The following ROBO2 variants were observed in gnomAD, a reference collection of about 807,000 sequenced individuals.
ROBO2 encodes the protein roundabout guidance receptor 2.
ROBO2 carries 53 observed loss-of-function variants against 160.8 expected under a neutral mutation model. That is an observed-to-expected ratio of 0.33 (90% CI 0.26 to 0.41). The LOEUF (loss-of-function observed/expected upper bound fraction) is 0.41, where lower values mean the gene tolerates loss of function less well. ROBO2 is among the 10% of genes least tolerant of loss of function. ROBO2 has a pLI of 1.00. For missense variants in ROBO2, 1,577 were observed against 1,722.4 expected (o/e 0.92, Z 1.49); for synonymous variants, 664 against 611.7 (o/e 1.09, Z -1.26).
intron 2 of ROBO2, among the ~76,000 whole-genome samples, chr3:76,633,038 C>T (rs1323189791): frequency 1.3e-5 from 2 of 152,114 alleles, no homozygotes; most frequent in Non-Finnish European, 2.9e-5. Context: ...GGAAAGATGT[C>T]ACAACATGTT....
chr3:76,768,346 T>C (rs2061685826), intron 2 of ROBO2, among the ~76,000 whole-genome samples: 1 of 151,478 alleles, frequency 6.6e-6, no homozygotes, highest in South Asian at 2.1e-4. Context: ...GTAAATAATC[T>C]CATCCTTCCA....
At chr3:76,624,796 C>CAA (rs57920315) in intron 2 of ROBO2, among the ~76,000 whole-genome samples, 7 of 46,292 alleles carry the variant, frequency 1.5e-4, no homozygotes, top group African/African-American at 4.1e-4. Flanking sequence ...GACTCCGTCT[C>CAA]AAAAAAAAAA....
intron 2 of ROBO2, among the ~76,000 whole-genome samples, chr3:75,987,990 G>GT (rs35480220): frequency 0.44 from 66,946 of 151,620 alleles, 16,194 homozygotes; most frequent in South Asian, 0.67. Flanking sequence ...GTGTTTTCTT[G>GT]TTTTTTTGTT....
intron 5 of ROBO2, among the ~76,000 whole-genome samples, chr3:77,510,821 T>C (rs73105305): frequency 0.1 from 15,691 of 152,080 alleles, 1,043 homozygotes; most frequent in East Asian, 0.18. Flanking sequence ...TATTGAGTAA[T>C]TGCTCTATGT....
chr3:77,113,068 G>C (rs1477107352), intron 2 of ROBO2, among the ~76,000 whole-genome samples: 1 of 152,102 alleles, frequency 6.6e-6, no homozygotes, highest in Non-Finnish European at 1.5e-5. Flanking sequence ...GTTTTGAAAA[G>C]TCCTTGAAAA....
At chr3:77,114,762 T>G (rs1015359792) in intron 2 of ROBO2, among the ~76,000 whole-genome samples, 19 of 152,192 alleles carry the variant, frequency 1.2e-4, no homozygotes, top group African/African-American at 4.6e-4. Flanking sequence ...AATAATTTTT[T>G]TAAAAAAGCA....
chr3:76,727,319 A>G (rs1462257716), intron 2 of ROBO2, among the ~76,000 whole-genome samples: 1 of 152,190 alleles, frequency 6.6e-6, no homozygotes, highest in Non-Finnish European at 1.5e-5. Flanking sequence ...AATGAAGAAA[A>G]TAGAAAGGAA....
At position 76,834,173 on chromosome 3, in the gene ROBO2, C is replaced by CTT. The variant is rs1235221607; in HGVS notation, c.110-263840_110-263839insTT. Among the ~76,000 whole-genome samples the CTT allele has an allele frequency of 1.4e-3, 195 of 134,574 alleles. 4 individuals are homozygous for CTT. Among genetic ancestry groups the CTT allele is most frequent in the African/African-American group, 3.8e-3 (135 of 35,756 alleles). The allele number at this position is 134,574 out of a possible 152,430, so 88.3% of individuals were successfully genotyped here. On this transcript the variant is annotated intron_variant, in intron 2 of 26. Coordinates refer to the ROBO2 transcript ENST00000487694. ...TTTCTTTCTCTCTCTTTCTTTCTTT[C>CTT]TCTCTCTCTCTCTCTCTTTCTTTCT...
chr3:75,950,456 G>A (rs1249178138), intron 2 of ROBO2, among the ~76,000 whole-genome samples: 2 of 152,088 alleles, frequency 1.3e-5, no homozygotes, highest in African/African-American at 4.8e-5. Context: ...TTATTATAAT[G>A]CAGTTCTATT....
intron 2 of ROBO2, among the ~76,000 whole-genome samples, chr3:76,962,209 C>T (rs1467460188): frequency 6.6e-6 from 1 of 151,986 alleles, no homozygotes; most frequent in East Asian, 1.9e-4. Context: ...GTGGCAGGTG[C>T]CTGTAATCCA....
At chr3:77,131,317 T>C (rs1404764562) in intron 2 of ROBO2, among the ~76,000 whole-genome samples, 3 of 152,226 alleles carry the variant, frequency 2.0e-5, no homozygotes, top group Admixed American at 2.0e-4. Flanking sequence ...ATAGGCAGGT[T>C]CTTTTAGCCT....
rs138818488 is a variant in ROBO2, at chr3:76,781,398, T to A, written c.110-316616T>A. ...TTTCTTTCAAACTTGAATGTCTTTA[T>A]TGCCTTCCATTGACTAATTGTTCTG... On this transcript the variant is annotated intron_variant, in intron 2 of 26. Transcript: ENST00000487694. 9.6e-4 allele frequency among the ~76,000 whole-genome samples: 145 copies of A among 150,930 alleles called. 1 individual carries two copies. Among genetic ancestry groups the A allele is most frequent in the African/African-American group, 3.4e-3 (140 of 41,426 alleles).
At chr3:76,839,292 G>C (rs1469450243) in intron 2 of ROBO2, among the ~76,000 whole-genome samples, 3 of 152,116 alleles carry the variant, frequency 2.0e-5, no homozygotes, top group Admixed American at 1.3e-4. Flanking sequence ...TGAAATAAAA[G>C]CCTTGGACTC....
At chr3:76,511,763 T>C (rs1034489549) in intron 2 of ROBO2, among the ~76,000 whole-genome samples, 1 of 151,848 alleles carries the variant, frequency 6.6e-6, no homozygotes, top group African/African-American at 2.4e-5. Context: ...TTTAAAGGAG[T>C]TTGTATGTCA....
chr3:76,524,000 G>A (rs2081789752), intron 2 of ROBO2, among the ~76,000 whole-genome samples: 1 of 151,824 alleles, frequency 6.6e-6, no homozygotes, highest in Non-Finnish European at 1.5e-5. Context: ...GTGTGTGTGT[G>A]TGTGTGTGGT....
chr3:77,636,034 G>A (rs183750636), intron 24 of ROBO2, among the ~76,000 whole-genome samples: 2 of 152,192 alleles, frequency 1.3e-5, no homozygotes, highest in Non-Finnish European at 2.9e-5. Flanking sequence ...TCTCTGGGGT[G>A]TGTTTTATAG....
At chr3:75,965,268 C>T (rs1949062744) in intron 2 of ROBO2, among the ~76,000 whole-genome samples, 1 of 151,792 alleles carries the variant, frequency 6.6e-6, no homozygotes, top group African/African-American at 2.4e-5. Context: ...ACATTTCTAA[C>T]TCTGTGTTGC....
At chr3:76,178,130 AATTT>A (rs2073295974) in intron 2 of ROBO2, among the ~76,000 whole-genome samples, 1 of 152,138 alleles carries the variant, frequency 6.6e-6, no homozygotes, top group Admixed American at 6.6e-5. Flanking sequence ...AGGATGAAAT[AATTT>A]ATTTTAGTTA....
chr3:76,532,865 T>C (rs2082302771), intron 2 of ROBO2, among the ~76,000 whole-genome samples: 2 of 152,196 alleles, frequency 1.3e-5, no homozygotes, highest in African/African-American at 4.8e-5. Flanking sequence ...TCACGTTTTA[T>C]ATTTGTTCCT....
Sources: allele counts gnomAD v4.1 joint callset (sites outside exome capture counted in the v4.1 genomes callset), GRCh38; gene constraint gnomAD v4.1.1; transcripts MANE v1.5; gene names NCBI Gene and HGNC (gene_info 2026-07-23, HGNC 2026-07-21).